VEGFC: variants seen among roughly 807,000 people sequenced by gnomAD.
VEGFC encodes vascular endothelial growth factor C.
A neutral mutation model predicts 46.1 loss-of-function variants in VEGFC; 12 were observed. The observed-to-expected ratio is 0.26, with a 90% confidence interval of 0.17 to 0.42. The LOEUF (loss-of-function observed/expected upper bound fraction) is 0.42. Ranked by LOEUF, VEGFC falls within the 10% of genes least tolerant of loss-of-function variation. The pLI, the probability that VEGFC is intolerant of heterozygous loss-of-function variation, is 1.00. For synonymous variants in VEGFC, 232 were observed against 195.5 expected (o/e 1.19, Z -1.56); for missense variants, 488 against 529.4 (o/e 0.92, Z 0.77).
chr4:176,770,137 T>A (rs920839934), intron 1 of VEGFC, among the ~76,000 whole-genome samples: 4 of 152,204 alleles, frequency 2.6e-5, no homozygotes, highest in African/African-American at 9.7e-5. Context: ...TATTTAAGCT[T>A]CCAATTGTAG....
intron 4 of VEGFC, among the ~76,000 whole-genome samples, chr4:176,708,737 G>A (rs1734575954): frequency 6.6e-6 from 1 of 152,086 alleles, no homozygotes. Flanking sequence ...AATATAAAAT[G>A]TTTTTCTTAC....
At position 176,728,408 on chromosome 4, in the gene VEGFC, A is replaced by C. The variant is rs901877601; in HGVS notation, c.362-440T>G. 2.6e-4 allele frequency among the ~76,000 whole-genome samples: 40 copies of C among 152,222 alleles called. 2 individuals are homozygous for C. Among genetic ancestry groups the C allele is most frequent in the Admixed American group, 2.6e-4 (4 of 15,284 alleles). ...TTATTTTTCTTTAAAACTGAGTTGC[A>C]TATGAGAAGACAGCTATGGTTTTAG... On this transcript the variant is annotated intron_variant, in intron 2 of 6. Coordinates refer to ENST00000618562, the MANE Select transcript of VEGFC (RefSeq NM_005429.5).
At chr4:176,694,581 G>A (rs1734272866) in intron 4 of VEGFC, among the ~76,000 whole-genome samples, 1 of 151,792 alleles carries the variant, frequency 6.6e-6, no homozygotes, top group Non-Finnish European at 1.5e-5. Context: ...GAGACAGAAA[G>A]TCAACAAGGA....
intron 1 of VEGFC, among the ~76,000 whole-genome samples, chr4:176,762,413 C>T (rs1233557917): frequency 2.0e-5 from 3 of 152,156 alleles, no homozygotes; most frequent in Non-Finnish European, 4.4e-5. Context: ...CTCCAGAGGA[C>T]GCAGCCTTCA....
Position 176,729,563 on chromosome 4 carries a change from C to T in VEGFC, c.331G>A (p.Ala111Thr). The T allele has an allele frequency of 6.2e-7, 1 of 1,613,518 alleles. No homozygotes were observed. Among genetic ancestry groups the T allele is most frequent in the Non-Finnish European group, 8.5e-7 (1 of 1,179,860 alleles). ...SRTEETIKFA[A>T]AHYNTEILKS... ...AAGATCTCTGTATTATAATGTGCTG[C>T]AGCAAATTTTATAGTCTCTTCTGTC... is the stretch of plus-strand genomic sequence containing the variant. Residue 111 changes from alanine to threonine, a missense_variant, in exon 2 of 7, where the codon GCA becomes ACA. By Grantham distance (58) the Ala-to-Thr change is moderately conservative. Transcript: ENST00000618562.
intron 1 of VEGFC, among the ~76,000 whole-genome samples, chr4:176,782,619 TTTA>T (rs1735936114): frequency 6.6e-6 from 1 of 152,164 alleles, no homozygotes; most frequent in South Asian, 2.1e-4. Flanking sequence ...AAAGCTTCAT[TTTA>T]TTATATGCTT....
chr4:176,744,368 A>G (rs1040356467), intron 1 of VEGFC, among the ~76,000 whole-genome samples: 4 of 151,948 alleles, frequency 2.6e-5, no homozygotes, highest in Admixed American at 6.6e-5. Context: ...AAAAAAACCT[A>G]TTTTCTTAGA....
intron 4 of VEGFC, among the ~76,000 whole-genome samples, chr4:176,699,814 A>C (rs1323630289): frequency 1.3e-5 from 2 of 152,186 alleles, no homozygotes; most frequent in African/African-American, 2.4e-5. Flanking sequence ...AAATACATAT[A>C]TTTTAGGTTT....
chr4:176,754,039 G>T (rs188620252), intron 1 of VEGFC, among the ~76,000 whole-genome samples: 48 of 152,144 alleles, frequency 3.2e-4, no homozygotes, highest in African/African-American at 1.1e-3. Context: ...TATTCCAGAT[G>T]ATGAACATAA....
At chr4:176,737,740 A>T (rs533974144) in intron 1 of VEGFC, among the ~76,000 whole-genome samples, 1 of 151,878 alleles carries the variant, frequency 6.6e-6, no homozygotes, top group Non-Finnish European at 1.5e-5. Context: ...TTCCTTAGTG[A>T]TTATTTGAAA....
intron 1 of VEGFC, among the ~76,000 whole-genome samples, chr4:176,736,364 A>G (rs1314986445): frequency 1.3e-5 from 2 of 151,736 alleles, no homozygotes; most frequent in East Asian, 3.9e-4. Context: ...GCCGATATAT[A>G]ATAGTTAAGA....
At chr4:176,730,487 G>A (rs936429104) in intron 1 of VEGFC, among the ~76,000 whole-genome samples, 2 of 151,972 alleles carry the variant, frequency 1.3e-5, no homozygotes, top group African/African-American at 4.8e-5. Context: ...TTTAGAATTA[G>A]GAAAAAGGAA....
At chr4:176,691,772 T>C (rs1443681352) in intron 4 of VEGFC, among the ~76,000 whole-genome samples, 2 of 152,074 alleles carry the variant, frequency 1.3e-5, no homozygotes, top group Non-Finnish European at 2.9e-5. Context: ...CGTTGGGTAA[T>C]AATTACCAGC....
At chr4:176,721,516 G>A (rs1734786274) in intron 3 of VEGFC, among the ~76,000 whole-genome samples, 2 of 152,196 alleles carry the variant, frequency 1.3e-5, no homozygotes, top group South Asian at 2.1e-4. Context: ...TTGTCCAAGA[G>A]GAATGGTCTA....
chr4:176,702,114 CA>C (rs1734444450), intron 4 of VEGFC, among the ~76,000 whole-genome samples: 2 of 152,074 alleles, frequency 1.3e-5, no homozygotes, highest in African/African-American at 4.8e-5. Flanking sequence ...AGTTCCAAAT[CA>C]AATGTTTCCT....
chr4:176,724,126 G>A (rs1453402153), intron 3 of VEGFC, among the ~76,000 whole-genome samples: 1 of 152,114 alleles, frequency 6.6e-6, no homozygotes, highest in Non-Finnish European at 1.5e-5. Flanking sequence ...ATAAACGTTT[G>A]TTTAGCAAAA....
chr4:176,749,400 C>T (rs1258567662), intron 1 of VEGFC, among the ~76,000 whole-genome samples: 1 of 151,652 alleles, frequency 6.6e-6, no homozygotes, highest in Non-Finnish European at 1.5e-5. Flanking sequence ...CCTTTCATTC[C>T]AAGTTATTTA....
intron 6 of VEGFC, among the ~76,000 whole-genome samples, chr4:176,685,961 T>C (rs1028719988): frequency 6.6e-5 from 10 of 152,176 alleles, no homozygotes; most frequent in African/African-American, 1.9e-4. Flanking sequence ...ATGAACTCGT[T>C]ATATACTGTG....
intron 1 of VEGFC, among the ~76,000 whole-genome samples, chr4:176,757,825 T>A (rs2110905056): frequency 6.6e-6 from 1 of 152,168 alleles, no homozygotes; most frequent in South Asian, 2.1e-4. Flanking sequence ...ATAATTAACC[T>A]AATTAAAGAT....
Sources: allele counts gnomAD v4.1 joint callset (sites outside exome capture counted in the v4.1 genomes callset), GRCh38; gene constraint gnomAD v4.1.1; transcripts MANE v1.5; gene names NCBI Gene and HGNC (gene_info 2026-07-23, HGNC 2026-07-21).